The following ACSL6 variants were observed in gnomAD, a reference collection of about 807,000 sequenced individuals.
ACSL6 encodes the protein long-chain-fatty-acid--CoA ligase 6.
A neutral mutation model predicts 98.2 loss-of-function variants in ACSL6; 47 were observed. The observed-to-expected ratio is 0.48, with a 90% CI of 0.38 to 0.61. The LOEUF (loss-of-function observed/expected upper bound fraction) is 0.61, where lower values mean the gene tolerates loss of function less well. ACSL6 is among the 20% of genes least tolerant of loss of function. The pLI is 0.00. For synonymous variants in ACSL6, 362 were observed against 336.9 expected (o/e 1.07, Z -0.82); for missense variants, 761 against 913.4 (o/e 0.83, Z 2.15).
At chr5:131,962,978 C>G in intron 17 of ACSL6, among the ~76,000 whole-genome samples, 1 of 152,076 alleles carries the variant, frequency 6.6e-6, no homozygotes, top group East Asian at 1.9e-4. Flanking sequence ...AGCAGGTATC[C>G]TCACCTCCTC....
At chr5:131,970,071 G>T in intron 15 of ACSL6, 57 bp downstream of exon 15, 1 of 1,519,700 alleles carries the variant, frequency 6.6e-7, no homozygotes, top group Non-Finnish European at 9.1e-7. Flanking sequence ...TTTAGAGCTG[G>T]CTGCTTTTAC....
chr5:131,980,317 C>T (rs1041980425), intron 9 of ACSL6, among the ~76,000 whole-genome samples: 1 of 152,188 alleles, frequency 6.6e-6, no homozygotes, highest in Non-Finnish European at 1.5e-5. Context: ...TTTAAAAAAT[C>T]AGACTTGAGG....
rs1048448317 is a variant in ACSL6 at position 131,952,353 on chromosome 5, A to T, written c.*1881T>A. Reference sequence around the variant, plus strand: ...GATAAAAAGACTGGGTAAATACATCAAATGAAACAGTGATTCACTTTTGAC... The same window carrying T: ...GATAAAAAGACTGGGTAAATACATCTAATGAAACAGTGATTCACTTTTGAC... On this transcript the variant is annotated 3_prime_UTR_variant, in exon 21 of 21. Coordinates refer to ENST00000651883, the MANE Select transcript of ACSL6 (RefSeq NM_001009185.3). 4.9e-6 allele frequency: 1 copy of T among 204,544 alleles called. No individual in the cohort carries two copies. Among genetic ancestry groups the T allele is most frequent in the Non-Finnish European group, 1.0e-5 (1 of 99,782 alleles). 12.7% of individuals were successfully genotyped at this position (204,544 alleles called of 1,614,324 possible). A position where few individuals can be genotyped will look rare whatever the true frequency, so the allele number is the denominator to read the frequency against.
chr5:131,985,376 C>G (rs878932467), intron 9 of ACSL6, 31 bp downstream of exon 9: 1 of 1,613,874 alleles, frequency 6.2e-7, no homozygotes, highest in Admixed American at 1.7e-5. Flanking sequence ...TGCAGGTAGC[C>G]ATGGCTGGGG....
At chr5:131,964,524 T>G (rs1002939886) in intron 17 of ACSL6, among the ~76,000 whole-genome samples, 1 of 152,252 alleles carries the variant, frequency 6.6e-6, no homozygotes, top group Non-Finnish European at 1.5e-5. Flanking sequence ...TTGCTTCATA[T>G]TACCCCCTAA....
intron 9 of ACSL6, among the ~76,000 whole-genome samples, chr5:131,980,087 A>G (rs1753811306): frequency 6.6e-6 from 1 of 152,184 alleles, no homozygotes; most frequent in African/African-American, 2.4e-5. Flanking sequence ...TTTCTCCTGC[A>G]GGGGTGGAAG....
chr5:131,959,402 G>T, intron 20 of ACSL6, 134 bp downstream of exon 20: 1 of 890,602 alleles, frequency 1.1e-6, no homozygotes, highest in Non-Finnish European at 1.8e-6. Flanking sequence ...GGCCTTCAGG[G>T]GTCCATTGGT....
chr5:131,973,247 G>T lies in ACSL6; in HGVS notation c.1203+19C>A. On this transcript the variant is annotated intron_variant, in intron 12 of 20. Transcript: ENST00000651883. ...TATGCAGCCCCTCAGCCTGGCTGAA[G>T]ACTCCCTGCAGAACTTACCTTGTCG... is the stretch of plus-strand genomic sequence containing the variant. 1.2e-6 allele frequency: 2 copies of T among 1,611,690 alleles called. No individual in the cohort carries two copies. Among genetic ancestry groups the T allele is most frequent in the South Asian group, 2.2e-5 (2 of 90,746 alleles).
rs942353528 is a variant in ACSL6 at position 131,967,930 on chromosome 5, C to T, written c.1596+10G>A. On this transcript the variant is annotated intron_variant, in intron 16 of 20. Transcript: ENST00000651883. ...CAGCCACAGGCATGAATGGCTAAATCCTTGTTTACCTCTCCCTCTCCTTTG... is the reference window on the plus strand; with the variant it reads ...CAGCCACAGGCATGAATGGCTAAATTCTTGTTTACCTCTCCCTCTCCTTTG... The T allele has an allele frequency of 6.2e-7, 1 of 1,613,120 alleles. No homozygotes were observed. Among genetic ancestry groups the T allele is most frequent in the Non-Finnish European group, 8.5e-7 (1 of 1,179,288 alleles).
Position 131,953,612 on chromosome 5 carries a change from A to C in ACSL6, c.*622T>G, listed in dbSNP as rs1394622809. The C allele has an allele frequency of 1.1e-5, 2 of 186,264 alleles. No homozygotes were observed. Among genetic ancestry groups the C allele is most frequent in the Non-Finnish European group, 2.3e-5 (2 of 87,960 alleles). The allele number at this position is 186,264 out of a possible 1,614,324, so 11.5% of individuals were successfully genotyped here. The stretch of plus-strand genomic sequence containing the variant: ...AGAGCAGACCCTGTCTCAAAACAAA[A>C]AGGAAAAAAAGAATTTCTGAATTTT... On this transcript the variant is annotated 3_prime_UTR_variant, in exon 21 of 21. Coordinates refer to ENST00000651883, the MANE Select transcript of ACSL6 (RefSeq NM_001009185.3).
chr5:131,980,108 G>A (rs1753812757), intron 9 of ACSL6, among the ~76,000 whole-genome samples: 1 of 152,158 alleles, frequency 6.6e-6, no homozygotes, highest in Non-Finnish European at 1.5e-5. Context: ...TGGGTTTGGG[G>A]ACAGTTCTGG....
intron 9 of ACSL6, 26 bp from the exon 10 acceptor site, chr5:131,976,747 A>G: frequency 6.2e-7 from 1 of 1,608,760 alleles, no homozygotes; most frequent in South Asian, 1.1e-5. Flanking sequence ...AAGAAGTCAA[A>G]TTAGTTGGAA....
rs1226303136 is a variant in ACSL6, at chr5:131,971,837, A to C, written c.1339-192T>G. Among the ~76,000 whole-genome samples, 4 of 152,174 alleles carry C rather than the reference A, an allele frequency of 2.6e-5. No homozygotes were observed. In the East Asian group the frequency reaches 7.7e-4, roughly 29 times the overall value. The stretch of plus-strand genomic sequence containing the variant: ...CCTTCCCCTTCCTAATGATAAACAC[A>C]ATCAGCTCTGCAGCTCAATCCACCA... On this transcript the variant is annotated intron_variant, in intron 13 of 20. Coordinates refer to ENST00000651883, the MANE Select transcript of ACSL6 (RefSeq NM_001009185.3).
intron 4 of ACSL6, 126 bp downstream of exon 4, chr5:131,989,974 T>A: frequency 9.7e-7 from 1 of 1,030,570 alleles, no homozygotes; most frequent in Non-Finnish European, 1.4e-6. Flanking sequence ...TGCCAGGAGT[T>A]TGGCAGACAG....
At chr5:131,960,650 T>A in intron 18 of ACSL6, 29 bp from the exon 19 acceptor site, 1 of 1,555,978 alleles carries the variant, frequency 6.4e-7, no homozygotes, top group Non-Finnish European at 8.8e-7. Context: ...GAGAACACAG[T>A]CATGACAAAT....
At chr5:131,971,736 C>T in intron 13 of ACSL6, 91 bp from the exon 14 acceptor site, 1 of 1,109,430 alleles carries the variant, frequency 9.0e-7, no homozygotes, top group South Asian at 1.8e-5. Flanking sequence ...CATCCAACAA[C>T]TGGGTCCTAC....
chr5:131,971,279 T>C (rs979931175), intron 14 of ACSL6, among the ~76,000 whole-genome samples: 1 of 152,188 alleles, frequency 6.6e-6, no homozygotes, highest in Non-Finnish European at 1.5e-5. Flanking sequence ...GATCTGTCTA[T>C]GGTTTGTCTG....
Position 131,968,118 on chromosome 5 carries a change from C to T in ACSL6, c.1508-90G>A, listed in dbSNP as rs1045156678. 17 of 1,060,416 alleles carry T rather than the reference C, an allele frequency of 1.6e-5. No individual in the cohort carries two copies. In the African/African-American group the frequency reaches 2.2e-4, roughly 14 times the overall value. 65.7% of individuals were successfully genotyped at this position (1,060,416 alleles called of 1,614,324 possible). ...CAAGCCCCTTAAAATCTCTGAGTGGCCAAAGTGGGGAATTATGGATGGAAA... is the reference window on the plus strand; with the variant it reads ...CAAGCCCCTTAAAATCTCTGAGTGGTCAAAGTGGGGAATTATGGATGGAAA... On this transcript the variant is annotated intron_variant, in intron 15 of 20. Coordinates refer to ENST00000651883, the MANE Select transcript of ACSL6 (RefSeq NM_001009185.3).
chr5:132,008,415 C>T (rs1264017617), intron 1 of ACSL6, among the ~76,000 whole-genome samples: 1 of 152,212 alleles, frequency 6.6e-6, no homozygotes, highest in Non-Finnish European at 1.5e-5. Flanking sequence ...CAGGGCCAGC[C>T]CCACTTCTCC....
Sources: gnomAD v4.1 joint callset for allele counts (sites outside exome capture counted in the v4.1 genomes callset) on GRCh38, gnomAD v4.1.1 for gene constraint, MANE v1.5 for transcripts, NCBI Gene and HGNC (gene_info 2026-07-23, HGNC 2026-07-21) for gene names.